The following MAMLD1 variants were observed in gnomAD, a reference collection of about 807,000 sequenced individuals.
MAMLD1 encodes the protein mastermind like domain containing 1, also known as mastermind-like domain-containing protein 1.
A neutral mutation model predicts 45.0 loss-of-function variants in MAMLD1; 14 were observed. The observed-to-expected ratio is 0.31, with a 90% CI of 0.21 to 0.49. The LOEUF (loss-of-function observed/expected upper bound fraction) is 0.49. Among genes scored for constraint, MAMLD1 ranks in the 20% least tolerant of loss-of-function variants. The pLI, the probability that MAMLD1 is intolerant of heterozygous loss-of-function variation, is 0.99. For synonymous variants in MAMLD1, 254 were observed against 247.8 expected, an observed-to-expected ratio of 1.02 and a Z score of -0.24; for missense variants, 543 against 603.6, an observed-to-expected ratio of 0.90 and a Z score of 1.05.
chrX:150,368,245 C>T (rs1226010207), intron 1 of MAMLD1, among the ~76,000 whole-genome samples: 237 of 110,244 alleles, frequency 2.1e-3, no homozygotes, highest in Middle Eastern at 9.3e-3. Flanking sequence ...TTTTAATGAT[C>T]GCCATTCTAA....
At chrX:150,490,361 GT>G (rs1177061636) in intron 5 of MAMLD1, among the ~76,000 whole-genome samples, 6 of 112,249 alleles carry the variant, frequency 5.3e-5, no homozygotes. Context: ...TTAGATTGTT[GT>G]TTTTCCCCCT....
chrX:150,400,138 G>T (rs1250606893), intron 1 of MAMLD1, among the ~76,000 whole-genome samples: 1 of 111,948 alleles, frequency 8.9e-6, no homozygotes, highest in Non-Finnish European at 1.9e-5. Context: ...GAAGGGTTCA[G>T]CACTCTTTTG....
chrX:150,463,008 G>A (rs782071238), intron 3 of MAMLD1, among the ~76,000 whole-genome samples, 162 bp downstream of exon 3: 46 of 112,128 alleles, frequency 4.1e-4, no homozygotes, highest in Admixed American at 6.6e-4. Context: ...ATCTCTGCCC[G>A]GTGGCCCTGG....
intron 1 of MAMLD1, among the ~76,000 whole-genome samples, chrX:150,430,019 CTTTTTTTTTTT>C (rs1174092962): frequency 2.0e-5 from 1 of 49,230 alleles, no homozygotes; most frequent in Non-Finnish European, 3.3e-5. Context: ...TCTTTCTTTT[CTTTTTTTTTTT>C]TTTTTTTTTT....
intron 2 of MAMLD1, among the ~76,000 whole-genome samples, chrX:150,461,752 C>T (rs2036046575): frequency 8.9e-6 from 1 of 111,928 alleles, no homozygotes; most frequent in African/African-American, 3.3e-5. Context: ...TTGTCCAGTA[C>T]TTACTGTGGT....
intron 1 of MAMLD1, among the ~76,000 whole-genome samples, chrX:150,394,129 CTTTTTTT>C (rs781904160): frequency 5.1e-3 from 62 of 12,251 alleles, no homozygotes; most frequent in Non-Finnish European, 7.2e-3. Context: ...TATCTACATC[CTTTTTTT>C]TTTTTTTTTT....
intron 5 of MAMLD1, among the ~76,000 whole-genome samples, chrX:150,485,310 T>A (rs1210838512): frequency 2.7e-5 from 3 of 111,353 alleles, no homozygotes; most frequent in Admixed American, 9.6e-5. Flanking sequence ...ATAAAGTTTT[T>A]CAAATAATAT....
At position 150,513,222 on chromosome X, in the gene MAMLD1, C is replaced by A; in HGVS notation, c.*1263C>A. 2.0e-6 allele frequency: 1 copy of A among 493,385 alleles called. No individual in the cohort carries two copies. Among genetic ancestry groups the A allele is most frequent in the Non-Finnish European group, 3.2e-6 (1 of 310,505 alleles). The allele number at this position is 493,385 out of a possible 1,213,427, so 40.7% of individuals were successfully genotyped here. On this transcript the variant is annotated 3_prime_UTR_variant, in exon 8 of 8. Transcript: ENST00000370401. ...TCTCTACCTGTGACAAAATGGAAAG[C>A]TGGTGATTTTTCAAGCTACGTGTAC...
chrX:150,512,119 G>T lies in MAMLD1; in HGVS notation c.*160G>T. The T allele has an allele frequency of 8.7e-7, 1 of 1,153,905 alleles. No homozygotes were observed. Among genetic ancestry groups the T allele is most frequent in the Admixed American group, 2.6e-5 (1 of 38,631 alleles). ...TTCAGAACAATCTGAGTCCAGGAAT[G>T]ATCCCACTCACCAGGCACCAGAGCT... On this transcript the variant is annotated 3_prime_UTR_variant, in exon 8 of 8. Coordinates refer to ENST00000370401, the MANE Select transcript of MAMLD1 (RefSeq NM_005491.5).
chrX:150,440,825 CTT>C (rs1218851282), intron 1 of MAMLD1, among the ~76,000 whole-genome samples: 3 of 103,374 alleles, frequency 2.9e-5, no homozygotes, highest in African/African-American at 1.0e-4. Context: ...GTTTTTCTCT[CTT>C]TAATATTATT....
chrX:150,479,061 C>CA (rs1223593665), intron 5 of MAMLD1, among the ~76,000 whole-genome samples: 8 of 106,369 alleles, frequency 7.5e-5, no homozygotes, highest in African/African-American at 2.6e-4. Flanking sequence ...TACCAAGAAT[C>CA]AAAAAAAAGT....
intron 1 of MAMLD1, among the ~76,000 whole-genome samples, chrX:150,394,129 CTTTTTTTTTTTTTTTT>C (rs781904160): frequency 8.2e-5 from 1 of 12,256 alleles, no homozygotes; most frequent in South Asian, 0.016. Context: ...TATCTACATC[CTTTTTTTTTTTTTTTT>C]TTTTTTTTTG....
intron 5 of MAMLD1, among the ~76,000 whole-genome samples, chrX:150,491,363 C>A (rs2037181819): frequency 8.9e-6 from 1 of 112,070 alleles, no homozygotes. Context: ...ACAGGATTAA[C>A]CTGGTTCCAT....
At chrX:150,442,208 A>G (rs782060544) in intron 1 of MAMLD1, among the ~76,000 whole-genome samples, 1 of 111,451 alleles carries the variant, frequency 9.0e-6, no homozygotes, top group East Asian at 2.8e-4. Flanking sequence ...TTGCAACAGC[A>G]TATCATTGGA....
intron 1 of MAMLD1, among the ~76,000 whole-genome samples, chrX:150,403,964 G>GAA (rs1198473619): frequency 6.0e-5 from 5 of 83,711 alleles, no homozygotes; most frequent in African/African-American, 2.5e-4. Flanking sequence ...AAGAAAGAAA[G>GAA]AAAGAAAGAA....
intron 5 of MAMLD1, among the ~76,000 whole-genome samples, chrX:150,476,607 C>T (rs1569564928): frequency 9.1e-6 from 1 of 110,287 alleles, no homozygotes. Flanking sequence ...GGAATAAGAA[C>T]AAAAAAAAGC....
At chrX:150,389,831 T>C (rs781858757) in intron 1 of MAMLD1, among the ~76,000 whole-genome samples, 1 of 112,257 alleles carries the variant, frequency 8.9e-6, no homozygotes, top group Non-Finnish European at 1.9e-5. Context: ...TACATACACA[T>C]CTAGGACCAT....
chrX:150,371,533 G>C (rs1557401039), intron 1 of MAMLD1, among the ~76,000 whole-genome samples: 3 of 111,697 alleles, frequency 2.7e-5, no homozygotes, highest in African/African-American at 6.5e-5. Flanking sequence ...GCCCCAGCTT[G>C]TGTTCACCTG....
intron 1 of MAMLD1, among the ~76,000 whole-genome samples, chrX:150,398,246 GAGAAGGAGAAGAAGA>G (rs2033512419): frequency 1.4e-5 from 1 of 70,086 alleles, no homozygotes; most frequent in Non-Finnish European, 2.8e-5. Flanking sequence ...GGAGAAGGAG[GAGAAGGAGAAGAAGA>G]AGAAGAAGAA....
Sources: gnomAD v4.1 joint callset for allele counts (sites outside exome capture counted in the v4.1 genomes callset) on GRCh38, gnomAD v4.1.1 for gene constraint, MANE v1.5 for transcripts, NCBI Gene and HGNC (gene_info 2026-07-23, HGNC 2026-07-21) for gene names.